The following PARP8 variants were observed in gnomAD, a reference collection of about 807,000 sequenced individuals.
PARP8 encodes the protein protein mono-ADP-ribosyltransferase PARP8.
PARP8 carries 51 observed loss-of-function variants against 124.1 expected under a neutral mutation model. That is an observed-to-expected ratio of 0.41 (90% CI 0.33 to 0.52). The LOEUF is 0.52. Ranked by LOEUF, PARP8 falls within the 20% of genes least tolerant of loss-of-function variation. The probability of loss-of-function intolerance (pLI) is 0.21; values close to 1 mark genes in which losing one functional copy is unlikely to be tolerated. For missense variants in PARP8, 860 were observed against 1,018.9 expected (o/e 0.84, Z 2.12); for synonymous variants, 391 against 361.5 (o/e 1.08, Z -0.93).
At chr5:50,811,116 A>G (rs1744387165) in intron 14 of PARP8, among the ~76,000 whole-genome samples, 1 of 152,064 alleles carries the variant, frequency 6.6e-6, no homozygotes, top group Non-Finnish European at 1.5e-5. Context: ...TCACTTGAGT[A>G]TGGAAGAGGG....
At chr5:50,798,701 C>T (rs926694741) in intron 14 of PARP8, among the ~76,000 whole-genome samples, 2 of 152,130 alleles carry the variant, frequency 1.3e-5, no homozygotes, top group African/African-American at 2.4e-5. Flanking sequence ...GAATTACAGG[C>T]GTGAACCACC....
intron 25 of PARP8, among the ~76,000 whole-genome samples, chr5:50,836,603 G>C (rs1266185817): frequency 4.6e-5 from 7 of 152,230 alleles, no homozygotes; most frequent in African/African-American, 1.7e-4. Flanking sequence ...TTACAGGTCA[G>C]GCTCCTGGGG....
intron 2 of PARP8, chr5:50,669,611 G>A (rs564439027): frequency 6.6e-6 from 1 of 152,290 alleles, no homozygotes; most frequent in East Asian, 1.9e-4. Context: ...AGATCTGTTA[G>A]ATACTGCAGT....
chr5:50,739,162 A>C, intron 2 of PARP8: 1 of 682,006 alleles, frequency 1.5e-6, no homozygotes, highest in East Asian at 2.7e-5. Context: ...AAAGTGTAGG[A>C]CACAGGCTAG....
intron 9 of PARP8, among the ~76,000 whole-genome samples, chr5:50,784,423 T>C (rs565382675): frequency 5.3e-5 from 8 of 152,178 alleles, no homozygotes; most frequent in Non-Finnish European, 8.8e-5. Context: ...ATTACTGATA[T>C]AGAGATGCAG....
At chr5:50,714,883 C>G (rs778143404) in intron 2 of PARP8, among the ~76,000 whole-genome samples, 38 of 152,078 alleles carry the variant, frequency 2.5e-4, no homozygotes, top group Non-Finnish European at 4.1e-4. Context: ...TGTAAGAAGC[C>G]CACCACTAGC....
intron 9 of PARP8, among the ~76,000 whole-genome samples, chr5:50,785,742 T>A (rs375718195): frequency 3.9e-5 from 6 of 152,302 alleles, no homozygotes; most frequent in African/African-American, 1.2e-4. Flanking sequence ...CCTTGATTGA[T>A]GGAGCATTTG....
At chr5:50,671,444 A>G (rs530640729) in intron 2 of PARP8, among the ~76,000 whole-genome samples, 4 of 152,278 alleles carry the variant, frequency 2.6e-5, no homozygotes, top group East Asian at 3.9e-4. Flanking sequence ...TCAGCCAGGA[A>G]TGTATTGTGA....
At chr5:50,814,849 A>G (rs1215829806) in intron 14 of PARP8, among the ~76,000 whole-genome samples, 2 of 152,170 alleles carry the variant, frequency 1.3e-5, no homozygotes, top group Non-Finnish European at 2.9e-5. Context: ...AGCTCTTCCA[A>G]AGTAATTGCA....
intron 2 of PARP8, among the ~76,000 whole-genome samples, chr5:50,683,439 T>C (rs528919673): frequency 1.6e-4 from 24 of 152,302 alleles, no homozygotes; most frequent in African/African-American, 5.8e-4. Flanking sequence ...GAAGACACTA[T>C]ACCAGCTTCC....
rs1211569298 is a variant in PARP8 at position 50,789,272 on chromosome 5, A to G, written c.737+683A>G. 2.6e-5 allele frequency among the ~76,000 whole-genome samples: 4 copies of G among 152,228 alleles called. 1 individual carries two copies. The highest frequency in any genetic ancestry group is 9.6e-5 in the African/African-American group (4 of 41,468). On this transcript the variant is annotated intron_variant, in intron 10 of 25. Coordinates refer to ENST00000281631, the MANE Select transcript of PARP8 (RefSeq NM_024615.4). ...AAAAACAGAAAAAGAAAACACTGATAGAGCCAGGATACAATGGCACTAGAA... is the reference window on the plus strand; with the variant it reads ...AAAAACAGAAAAAGAAAACACTGATGGAGCCAGGATACAATGGCACTAGAA...
intron 2 of PARP8, among the ~76,000 whole-genome samples, chr5:50,742,782 C>T (rs1758181759): frequency 6.6e-6 from 1 of 152,120 alleles, no homozygotes; most frequent in African/African-American, 2.4e-5. Context: ...CATTCAGAGC[C>T]CAGGTCCAGG....
intron 19 of PARP8, 69 bp downstream of exon 19, chr5:50,826,872 C>G: frequency 1.3e-6 from 2 of 1,538,982 alleles, no homozygotes; most frequent in East Asian, 4.9e-5. Context: ...TTGGGAGAAC[C>G]TACCTTGTAA....
chr5:50,667,695 G>C (rs1397024425), intron 1 of PARP8: 4 of 699,904 alleles, frequency 5.7e-6, no homozygotes, highest in Non-Finnish European at 1.0e-5. Flanking sequence ...GACTGGCAAA[G>C]AGAAGGGATT....
At chr5:50,825,416 A>G (rs574065302) in intron 18 of PARP8, among the ~76,000 whole-genome samples, 39 of 152,318 alleles carry the variant, frequency 2.6e-4, no homozygotes, top group Non-Finnish European at 5.3e-4. Context: ...GGCAGTATAA[A>G]TATGATTAAC....
intron 12 of PARP8, among the ~76,000 whole-genome samples, chr5:50,796,343 A>G (rs1472234086): frequency 6.6e-6 from 1 of 152,188 alleles, no homozygotes; most frequent in Admixed American, 6.5e-5. Flanking sequence ...ACTATACTGT[A>G]TATTTATTAT....
intron 2 of PARP8, among the ~76,000 whole-genome samples, chr5:50,701,689 T>C (rs1231661387): frequency 6.6e-6 from 1 of 152,128 alleles, no homozygotes; most frequent in Non-Finnish European, 1.5e-5. Flanking sequence ...AATGTGTTGA[T>C]TAATATATCC....
intron 2 of PARP8, among the ~76,000 whole-genome samples, chr5:50,724,492 A>G (rs1756217758): frequency 6.6e-6 from 1 of 152,150 alleles, no homozygotes; most frequent in African/African-American, 2.4e-5. Flanking sequence ...TTGTAGCTAC[A>G]TGAATTGATA....
chr5:50,667,420 C>G (rs939002844), intron 1 of PARP8: 515 of 702,284 alleles, frequency 7.3e-4, no homozygotes, highest in South Asian at 1.6e-3. Context: ...GGGCAGAGCC[C>G]GCGTGGCCGG....
Sources: gnomAD v4.1 joint callset for allele counts (sites outside exome capture counted in the v4.1 genomes callset) on GRCh38, gnomAD v4.1.1 for gene constraint, MANE v1.5 for transcripts, NCBI Gene and HGNC (gene_info 2026-07-23, HGNC 2026-07-21) for gene names.